Variants in CCDC178 observed in about 807,000 individuals in gnomAD.
CCDC178 encodes coiled-coil domain containing 178, also known as coiled-coil domain-containing protein 178.
In CCDC178, 126 loss-of-function variants were observed where a neutral mutation model predicts 117.4. That is an observed-to-expected ratio of 1.07 (90% CI 0.93 to 1.24). The LOEUF is 1.24. Among genes scored for constraint, CCDC178 ranks in the 50% most tolerant of loss-of-function variants. The pLI is 0.00. For synonymous variants in CCDC178, 283 were observed against 313.4 expected (o/e 0.90, Z 1.02); for missense variants, 1,030 against 986.9 (o/e 1.04, Z -0.59).
At chr18:33,272,935 C>T (rs2059907196) in intron 12 of CCDC178, among the ~76,000 whole-genome samples, 1 of 151,010 alleles carries the variant, frequency 6.6e-6, no homozygotes, top group Admixed American at 6.6e-5. Context: ...CAACATCATA[C>T]TTGATGAAAA....
At position 33,397,138 on chromosome 18, in the gene CCDC178, CTGT is replaced by C; in HGVS notation, c.118+8_118+10del. 6.5e-7 allele frequency: 1 copy of C among 1,539,842 alleles called. No individual in the cohort carries two copies. The highest frequency in any genetic ancestry group is 8.9e-7 in the Non-Finnish European group (1 of 1,118,548). On this transcript the variant is annotated splice_region_variant and intron_variant, in intron 4 of 22. Coordinates refer to ENST00000383096, the MANE Select transcript of CCDC178 (RefSeq NM_001105528.4). Reference sequence around the variant, plus strand: ...AAGAGATGAAAATTATATATAATAGCTGTTGGATACCTTCATTTGTCCTTGACC... The same window carrying C: ...AAGAGATGAAAATTATATATAATAGCTGGATACCTTCATTTGTCCTTGACC...
At chr18:33,127,537 G>T (rs1254160844) in intron 20 of CCDC178, among the ~76,000 whole-genome samples, 1 of 152,128 alleles carries the variant, frequency 6.6e-6, no homozygotes, top group Non-Finnish European at 1.5e-5. Flanking sequence ...CCTGGTTCAA[G>T]CAATTCTCCT....
At chr18:33,211,096 GAATATATAAATATGAAGATCAAA>G (rs2059102858) in intron 20 of CCDC178, among the ~76,000 whole-genome samples, 1 of 151,514 alleles carries the variant, frequency 6.6e-6, no homozygotes. Flanking sequence ...TATCATATTT[GAATATATAAATATGAAGATCAAA>G]AATAGCTCAT....
At chr18:33,304,556 G>A (rs942621456) in intron 11 of CCDC178, among the ~76,000 whole-genome samples, 1 of 152,116 alleles carries the variant, frequency 6.6e-6, no homozygotes, top group Admixed American at 6.6e-5. Flanking sequence ...ATTCAAGCGG[G>A]GATTTTACAA....
At chr18:33,421,243 C>CA (rs1350245619) in intron 2 of CCDC178, among the ~76,000 whole-genome samples, 1 of 152,270 alleles carries the variant, frequency 6.6e-6, no homozygotes, top group East Asian at 1.9e-4. Context: ...AGTTCTAGTA[C>CA]AAAAGTATAA....
intron 6 of CCDC178, among the ~76,000 whole-genome samples, chr18:33,362,485 A>G (rs887038725): frequency 4.0e-5 from 6 of 151,882 alleles, no homozygotes; most frequent in Non-Finnish European, 8.8e-5. Context: ...GATCTAATGT[A>G]AAACATGAGG....
intron 22 of CCDC178, chr18:32,957,716 A>T (rs1416750453): frequency 2.0e-5 from 3 of 152,200 alleles, no homozygotes; most frequent in African/African-American, 7.2e-5. Flanking sequence ...TACATTTTAT[A>T]ATTTTCTACT....
intron 20 of CCDC178, among the ~76,000 whole-genome samples, chr18:33,118,975 G>A (rs536118230): frequency 2.7e-4 from 41 of 152,250 alleles, no homozygotes; most frequent in Middle Eastern, 3.4e-3. Context: ...TGGGAAAACT[G>A]GCTAGCCATA....
intron 21 of CCDC178, among the ~76,000 whole-genome samples, chr18:33,080,577 C>A (rs2057281704): frequency 6.6e-6 from 1 of 152,140 alleles, no homozygotes; most frequent in Admixed American, 6.5e-5. Flanking sequence ...TTGACACTTT[C>A]ATCTCATATT....
intron 2 of CCDC178, among the ~76,000 whole-genome samples, chr18:33,423,744 T>A (rs2064068700): frequency 6.6e-6 from 1 of 152,180 alleles, no homozygotes; most frequent in Non-Finnish European, 1.5e-5. Context: ...AAAGTGTTGA[T>A]TTTTTAATGG....
At chr18:33,397,364 A>G (rs1034402916) in intron 3 of CCDC178, among the ~76,000 whole-genome samples, 156 bp from the exon 4 acceptor site, 1 of 152,190 alleles carries the variant, frequency 6.6e-6, no homozygotes, top group Admixed American at 6.6e-5. Flanking sequence ...GGTAAGTAGG[A>G]GAGAAAGACA....
intron 14 of CCDC178, among the ~76,000 whole-genome samples, chr18:33,253,271 A>T (rs2059637738): frequency 6.6e-6 from 1 of 151,898 alleles, no homozygotes; most frequent in South Asian, 2.1e-4. Flanking sequence ...TAACGTTGGC[A>T]TTCTGAAGGT....
chr18:33,218,407 T>C (rs2059193258), intron 18 of CCDC178, among the ~76,000 whole-genome samples: 1 of 152,160 alleles, frequency 6.6e-6, no homozygotes, highest in Non-Finnish European at 1.5e-5. Context: ...AGGTTGCCTG[T>C]TCACTCTGAT....
At chr18:33,225,384 T>C (rs1287185721) in intron 16 of CCDC178, among the ~76,000 whole-genome samples, 1 of 152,110 alleles carries the variant, frequency 6.6e-6, no homozygotes, top group African/African-American at 2.4e-5. Flanking sequence ...GGTCTCGAAC[T>C]CCTGACCTCA....
chr18:32,996,755 T>G (rs2055518944), intron 21 of CCDC178, among the ~76,000 whole-genome samples: 1 of 151,998 alleles, frequency 6.6e-6, no homozygotes, highest in African/African-American at 2.4e-5. Context: ...TTTTAAAAAA[T>G]CTGGATGCAC....
intron 21 of CCDC178, among the ~76,000 whole-genome samples, chr18:33,018,685 A>G (rs531480585): frequency 2.6e-5 from 4 of 152,244 alleles, no homozygotes; most frequent in African/African-American, 9.6e-5. Context: ...AAATGTGCAG[A>G]ATAGGCAAAT....
intron 20 of CCDC178, among the ~76,000 whole-genome samples, chr18:33,122,978 A>C (rs954681404): frequency 1.3e-5 from 2 of 152,138 alleles, no homozygotes; most frequent in African/African-American, 4.8e-5. Flanking sequence ...AGAACACATG[A>C]TAGAGTTCAA....
At chr18:33,188,721 A>G (rs1163146425) in intron 20 of CCDC178, among the ~76,000 whole-genome samples, 1 of 152,214 alleles carries the variant, frequency 6.6e-6, no homozygotes, top group East Asian at 1.9e-4. Context: ...ATTCACCCCT[A>G]GAACTTCCAG....
At chr18:33,040,537 G>A (rs552242390) in intron 21 of CCDC178, among the ~76,000 whole-genome samples, 1 of 151,858 alleles carries the variant, frequency 6.6e-6, no homozygotes, top group Non-Finnish European at 1.5e-5. Flanking sequence ...TGGGAGAATA[G>A]GTCCAGAATG....
Sources: allele counts gnomAD v4.1 joint callset (sites outside exome capture counted in the v4.1 genomes callset), GRCh38; gene constraint gnomAD v4.1.1; transcripts MANE v1.5; gene names NCBI Gene and HGNC (gene_info 2026-07-23, HGNC 2026-07-21).